RCN3: variants seen among roughly 807,000 people sequenced by gnomAD.
The protein encoded by RCN3 is reticulocalbin 3.
In RCN3, 41 loss-of-function variants were observed where a neutral mutation model predicts 35.9. That is an observed-to-expected ratio of 1.14 (90% confidence interval 0.89 to 1.48). RCN3 has a LOEUF of 1.48. Among genes scored for constraint, RCN3 ranks in the 40% most tolerant of loss-of-function variants. The pLI is 0.00. For synonymous variants in RCN3, 187 were observed against 193.4 expected (o/e 0.97, Z 0.27); for missense variants, 451 against 471.3 (o/e 0.96, Z 0.40).
At position 49,534,408 on chromosome 19, in the gene RCN3, C is replaced by T. The variant is rs1453445789; in HGVS notation, c.445+13C>T. 2 of 1,536,730 alleles carry T rather than the reference C, an allele frequency of 1.3e-6. No homozygotes were observed. The highest frequency in any genetic ancestry group is 1.4e-5 in the African/African-American group (1 of 72,058). ...CACTACGCGCCCGGTACGCGGCGAG[C>T]CCCCGACCCTGCTCCCCATACACCG... On this transcript the variant is annotated intron_variant, in intron 3 of 6. Coordinates refer to ENST00000270645, the MANE Select transcript of RCN3 (RefSeq NM_020650.3).
At position 49,536,425 on chromosome 19, in the gene RCN3, C is replaced by T. The variant is rs530964582; in HGVS notation, c.446-608C>T. On this transcript the variant is annotated intron_variant, in intron 3 of 6. Transcript: ENST00000270645. ...AAGCAATTCTCCTGCCTCAGCCTCA[C>T]GAGTAGCTAGGACTACAGGCGCCCA... Among the ~76,000 whole-genome samples, 177 of 150,612 alleles carry T rather than the reference C, an allele frequency of 1.2e-3. 2 individuals carry two copies. The highest frequency in any genetic ancestry group is 4.1e-3 in the African/African-American group (168 of 40,942).
chr19:49,539,692 TTA>T (rs1226508160), intron 5 of RCN3, among the ~76,000 whole-genome samples: 2 of 151,866 alleles, frequency 1.3e-5, no homozygotes, highest in Non-Finnish European at 2.9e-5. Context: ...GGCAAAAAAT[TTA>T]GTCAAGGAGA....
Position 49,537,166 on chromosome 19 carries a change from C to G in RCN3, c.579C>G (p.His193Gln). 1 of 1,571,820 alleles carries G rather than the reference C, an allele frequency of 6.4e-7. No homozygotes were observed. The highest frequency in any genetic ancestry group is 8.6e-7 in the Non-Finnish European group (1 of 1,156,810). ...ATREELTAFLHPEEFPHMRDI... is the reference protein window; with the variant it reads ...ATREELTAFLQPEEFPHMRDI... ...GAGAGGAGCTGACAGCCTTCCTGCA[C>G]CCCGAGGAGTTCCCTCACATGCGGG... The change falls in exon 4 of 7, where the codon CAC becomes CAG. Residue 193 changes from histidine to glutamine, a missense_variant. Transcript: ENST00000270645.
At chr19:49,530,448 G>A (rs887855108) in intron 2 of RCN3, among the ~76,000 whole-genome samples, 1 of 150,424 alleles carries the variant, frequency 6.6e-6, no homozygotes, top group Non-Finnish European at 1.5e-5. Flanking sequence ...TGGAATTAAT[G>A]CGTGAGCCAC....
intron 5 of RCN3, among the ~76,000 whole-genome samples, chr19:49,540,434 C>G (rs994102972): frequency 3.3e-5 from 5 of 151,976 alleles, no homozygotes; most frequent in Non-Finnish European, 4.4e-5. Context: ...GAGTTCGAGA[C>G]CAGCCTGGCC....
At chr19:49,535,909 C>A (rs1297351302) in intron 3 of RCN3, among the ~76,000 whole-genome samples, 3 of 147,348 alleles carry the variant, frequency 2.0e-5, no homozygotes, top group African/African-American at 7.5e-5. Context: ...TATAGATATA[C>A]ACACACATAC....
At chr19:49,538,310 A>C (rs925084664) in intron 4 of RCN3, among the ~76,000 whole-genome samples, 1 of 149,970 alleles carries the variant, frequency 6.7e-6, no homozygotes, top group Non-Finnish European at 1.5e-5. Flanking sequence ...CTACAGGCGC[A>C]TGCCGCCATG....
chr19:49,536,443 G>A (rs2080135830), intron 3 of RCN3, among the ~76,000 whole-genome samples: 1 of 150,974 alleles, frequency 6.6e-6, no homozygotes, highest in Non-Finnish European at 1.5e-5. Flanking sequence ...TAGGACTACA[G>A]GCGCCCACCA....
At chr19:49,535,415 AG>A (rs752572924) in intron 3 of RCN3, among the ~76,000 whole-genome samples, 2 of 152,140 alleles carry the variant, frequency 1.3e-5, no homozygotes, top group Non-Finnish European at 2.9e-5. Flanking sequence ...CTTCTCTCTG[AG>A]AATCAATTTT....
At position 49,534,416 on chromosome 19, in the gene RCN3, C is replaced by T. The variant is rs1363457209; in HGVS notation, c.445+21C>T. ...GCCCGGTACGCGGCGAGCCCCCGAC[C>T]CTGCTCCCCATACACCGTGACCCTG... On this transcript the variant is annotated intron_variant, in intron 3 of 6. Coordinates refer to ENST00000270645, the MANE Select transcript of RCN3 (RefSeq NM_020650.3). 5 of 1,536,528 alleles carry T rather than the reference C, an allele frequency of 3.3e-6. No individual in the cohort carries two copies. In the East Asian group the frequency reaches 9.9e-5, roughly 31 times the overall value.
At chr19:49,534,072 C>T (rs1404539483) in intron 2 of RCN3, 121 bp from the exon 3 acceptor site, 3 of 1,046,984 alleles carry the variant, frequency 2.9e-6, no homozygotes, top group East Asian at 6.3e-5. Context: ...CCAGTTAGCC[C>T]GCGGACCGTG....
At chr19:49,528,417 T>G in intron 1 of RCN3, 50 bp from the exon 2 acceptor site, 1 of 1,438,594 alleles carries the variant, frequency 7.0e-7, no homozygotes, top group Non-Finnish European at 9.2e-7. Context: ...CTATCCCGTG[T>G]CTGTCCCCAT....
chr19:49,536,907 A>T, intron 3 of RCN3, 126 bp from the exon 4 acceptor site: 1 of 819,704 alleles, frequency 1.2e-6, no homozygotes, highest in Non-Finnish European at 1.7e-6. Context: ...CATCCAGCCT[A>T]CTGATATATA....
intron 2 of RCN3, among the ~76,000 whole-genome samples, chr19:49,532,304 A>G (rs1429500093): frequency 1.2e-4 from 17 of 146,458 alleles, no homozygotes; most frequent in East Asian, 8.2e-4. Flanking sequence ...ACGGGGTTTC[A>G]CCATGTTAGC....
chr19:49,532,573 C>T (rs2080114145), intron 2 of RCN3, among the ~76,000 whole-genome samples: 1 of 152,182 alleles, frequency 6.6e-6, no homozygotes, highest in South Asian at 2.1e-4. Flanking sequence ...ACGGTTTCAC[C>T]ATGTTGGCCA....
chr19:49,534,072 C>G, intron 2 of RCN3, 121 bp from the exon 3 acceptor site: 1 of 1,046,992 alleles, frequency 9.6e-7, no homozygotes, highest in Non-Finnish European at 1.3e-6. Context: ...CCAGTTAGCC[C>G]GCGGACCGTG....
intron 3 of RCN3, among the ~76,000 whole-genome samples, chr19:49,536,029 C>G (rs1433942623): frequency 6.7e-6 from 1 of 148,458 alleles, no homozygotes; most frequent in African/African-American, 2.5e-5. Flanking sequence ...TCTTGTTGCC[C>G]AGGCTGGAGT....
chr19:49,531,899 C>G (rs2080109716), intron 2 of RCN3, among the ~76,000 whole-genome samples: 1 of 151,946 alleles, frequency 6.6e-6, no homozygotes, highest in African/African-American at 2.4e-5. Context: ...CTCCCGGGTT[C>G]ATGCCATTCT....
chr19:49,532,620 C>T (rs1481391175), intron 2 of RCN3, among the ~76,000 whole-genome samples: 1 of 151,782 alleles, frequency 6.6e-6, no homozygotes, highest in Non-Finnish European at 1.5e-5. Context: ...GTGATCTGCC[C>T]ACTTCGGCCT....
Sources: gnomAD v4.1 joint callset for allele counts (sites outside exome capture counted in the v4.1 genomes callset) on GRCh38, gnomAD v4.1.1 for gene constraint, MANE v1.5 for transcripts, NCBI Gene and HGNC (gene_info 2026-07-23, HGNC 2026-07-21) for gene names.